The following WNK3 variants were observed in gnomAD, a reference collection of about 807,000 sequenced individuals.
WNK3 encodes the protein serine/threonine-protein kinase WNK3.
WNK3 carries 18 observed loss-of-function variants against 116.7 expected under a neutral mutation model. The observed-to-expected ratio is 0.15, with a 90% confidence interval of 0.11 to 0.23. The LOEUF (loss-of-function observed/expected upper bound fraction) is 0.23. WNK3 is among the 10% of genes least tolerant of loss of function. The pLI, the probability that WNK3 is intolerant of heterozygous loss-of-function variation, is 1.00. For missense variants in WNK3, 993 were observed against 1,323.8 expected, an observed-to-expected ratio of 0.75 and a Z score of 3.88; for synonymous variants, 404 against 469.4, an observed-to-expected ratio of 0.86 and a Z score of 1.80.
At chrX:54,339,322 T>C (rs1203010022) in intron 1 of WNK3, among the ~76,000 whole-genome samples, 2 of 111,337 alleles carry the variant, frequency 1.8e-5, no homozygotes, top group Non-Finnish European at 3.8e-5. Flanking sequence ...TGGTCAATAC[T>C]ATCAACCAAC....
At chrX:54,341,967 T>A (rs899557584) in intron 1 of WNK3, among the ~76,000 whole-genome samples, 1 of 112,303 alleles carries the variant, frequency 8.9e-6, no homozygotes, top group Non-Finnish European at 1.9e-5. Flanking sequence ...TAAAATATGA[T>A]GTCCTGGCCA....
chrX:54,195,296 A>T (rs1306710784), exon 24 of WNK3: 4 of 111,503 alleles, frequency 3.6e-5, no homozygotes, highest in African/African-American at 1.3e-4. Context: ...GGTTAAGTAC[A>T]ACCATTTTCT....
chrX:54,274,392 C>T (rs782738056), intron 10 of WNK3, among the ~76,000 whole-genome samples: 5 of 111,632 alleles, frequency 4.5e-5, no homozygotes, highest in East Asian at 2.8e-4. Flanking sequence ...ATAACATCCA[C>T]CCACCTAAAT....
At chrX:54,243,641 T>C (rs2068047491) in intron 17 of WNK3, among the ~76,000 whole-genome samples, 1 of 111,326 alleles carries the variant, frequency 9.0e-6, no homozygotes, top group Non-Finnish European at 1.9e-5. Flanking sequence ...ATGGCTATGA[T>C]CAAAAAATTG....
intron 10 of WNK3, among the ~76,000 whole-genome samples, chrX:54,276,670 T>C (rs903330809): frequency 9.1e-6 from 1 of 109,563 alleles, no homozygotes; most frequent in Non-Finnish European, 1.9e-5. Context: ...CAAAACCATA[T>C]AATCATATCA....
chrX:54,252,018 T>C (rs1264794023), intron 13 of WNK3, among the ~76,000 whole-genome samples: 2 of 102,603 alleles, frequency 1.9e-5, no homozygotes, highest in African/African-American at 7.2e-5. Context: ...TGAGCTGAGA[T>C]TGCACCATTG....
chrX:54,331,248 G>GA (rs1363110950), intron 2 of WNK3, among the ~76,000 whole-genome samples: 1 of 106,498 alleles, frequency 9.4e-6, no homozygotes, highest in Non-Finnish European at 1.9e-5. Flanking sequence ...AATTTAAAAA[G>GA]AAAAAAAATT....
At chrX:54,305,912 G>A (rs901441373) in intron 5 of WNK3, among the ~76,000 whole-genome samples, 4 of 110,000 alleles carry the variant, frequency 3.6e-5, no homozygotes, top group Admixed American at 2.0e-4. Context: ...AAAATTAGCC[G>A]GGCATGGTGG....
chrX:54,217,655 G>A (rs904151472), intron 22 of WNK3, among the ~76,000 whole-genome samples: 1 of 110,470 alleles, frequency 9.1e-6, no homozygotes, highest in East Asian at 2.8e-4. Flanking sequence ...GTTGTGGCAT[G>A]CACCTATTAG....
intron 17 of WNK3, among the ~76,000 whole-genome samples, chrX:54,244,819 AGCTT>A (rs2068058681): frequency 9.0e-6 from 1 of 110,793 alleles, no homozygotes; most frequent in South Asian, 3.9e-4. Context: ...TTTCCCCTCC[AGCTT>A]GCTTTTCTCC....
At chrX:54,205,438 C>T (rs1440709104) in intron 22 of WNK3, among the ~76,000 whole-genome samples, 1 of 111,714 alleles carries the variant, frequency 9.0e-6, no homozygotes. Context: ...TAAATTAAGG[C>T]TGCTGAACTA....
At chrX:54,307,090 G>A (rs1569538543) in intron 5 of WNK3, among the ~76,000 whole-genome samples, 1 of 108,857 alleles carries the variant, frequency 9.2e-6, no homozygotes, top group Non-Finnish European at 1.9e-5. Flanking sequence ...AGCTGGGCGT[G>A]GTGGTGCACA....
chrX:54,202,231 A>G lies in WNK3; in HGVS notation c.4871-38T>C, dbSNP rs372736062. 1.4e-4 allele frequency: 159 copies of G among 1,122,339 alleles called. 1 individual carries two copies. In the African/African-American group the frequency reaches 2.7e-3, roughly 19 times the overall value. The allele number at this position is 1,122,339 out of a possible 1,213,427, so 92.5% of individuals were successfully genotyped here. On this transcript the variant is annotated intron_variant, in intron 22 of 23. Coordinates refer to ENST00000354646, the Ensembl canonical transcript of WNK3. ...AAAAACAACAACAGGGAAACCATGA[A>G]AAAGAATTAAAACTGATAATCAGAT...
At chrX:54,350,359 G>A (rs143496911) in intron 1 of WNK3, among the ~76,000 whole-genome samples, 1,150 of 108,140 alleles carry the variant, frequency 0.011, 14 homozygotes, top group African/African-American at 0.038. Flanking sequence ...GCAGTGAGCC[G>A]AGACTGTGCC....
Position 54,215,322 on chromosome X carries a change from C to T in WNK3, c.4871-13129G>A, listed in dbSNP as rs2495790. 2.0e-3 allele frequency among the ~76,000 whole-genome samples: 221 copies of T among 111,027 alleles called. 1 individual carries two copies. Among genetic ancestry groups the T allele is most frequent in the African/African-American group, 6.7e-3 (206 of 30,641 alleles). On this transcript the variant is annotated intron_variant, in intron 22 of 23. Coordinates refer to ENST00000354646, the Ensembl canonical transcript of WNK3. ...TCTCCTGCCTCAGCCTGCCGAGTGC[C>T]TGGGATTGCAGGCGCGCGCCGCCAC... is the stretch of plus-strand genomic sequence containing the variant.
rs782355785 is a variant in WNK3 at position 54,301,789 on chromosome X, C to T, written c.1160G>A (p.Arg387His). ...CACCCACCTTTCAGATTTGTTTTGA[C>T]GAATACATCCTTCAATGATTTCTTT... Residue 387 changes from arginine (R) to histidine (H), a missense_variant, in exon 6 of 24, where the codon CGT (arginine) becomes CAT (histidine). By Grantham distance (29) the Arg-to-His change is conservative. Around this residue, in one of 4 missense-constraint regions of WNK3, gnomAD observed 37 missense variants for 86.9 expected, o/e 0.43. Coordinates refer to ENST00000354646, the Ensembl canonical transcript of WNK3. 6 of 1,206,717 alleles carry T rather than the reference C, an allele frequency of 5.0e-6. No individual in the cohort carries two copies. Among genetic ancestry groups the T allele is most frequent in the Non-Finnish European group, 5.6e-6 (5 of 893,417 alleles).
chrX:54,228,864 C>G, intron 21 of WNK3, 121 bp from the exon 22 acceptor site: 2 of 370,806 alleles, frequency 5.4e-6, no homozygotes, highest in Non-Finnish European at 9.7e-6. Flanking sequence ...CGAAAACTTA[C>G]AGTTAACATT....
chrX:54,211,841 C>T (rs1369080621), intron 22 of WNK3, among the ~76,000 whole-genome samples: 1 of 110,280 alleles, frequency 9.1e-6, no homozygotes, highest in African/African-American at 3.3e-5. Context: ...AATCTCCAAA[C>T]TCTTCAAAAT....
chrX:54,233,774 A>G (rs2067931248), intron 20 of WNK3, among the ~76,000 whole-genome samples: 1 of 104,549 alleles, frequency 9.6e-6, no homozygotes, highest in African/African-American at 3.5e-5. Context: ...CAGGAGTTCA[A>G]TACCAGCCTA....
Sources: allele counts gnomAD v4.1 joint callset (sites outside exome capture counted in the v4.1 genomes callset), GRCh38; gene constraint gnomAD v4.1.1; regional missense constraint gnomAD v4.1.1; transcripts MANE v1.5; gene names NCBI Gene and HGNC (gene_info 2026-07-23, HGNC 2026-07-21).